EIF4A1: variants seen among roughly 807,000 people sequenced by gnomAD.
The protein encoded by EIF4A1 is eukaryotic translation initiation factor 4A1, also known as eukaryotic initiation factor 4A-I.
EIF4A1 carries 11 observed loss-of-function variants against 53.5 expected under a neutral mutation model. The observed-to-expected ratio is 0.21, with a 90% CI of 0.13 to 0.34. EIF4A1 has a LOEUF of 0.34. EIF4A1 is among the 10% of genes least tolerant of loss of function. The pLI is 1.00. For synonymous variants in EIF4A1, 237 were observed against 186.7 expected, an observed-to-expected ratio of 1.27 and a Z score of -2.20; for missense variants, 213 against 530.8, an observed-to-expected ratio of 0.40 and a Z score of 5.88.
chr17:7,576,782 G>A (rs948655413), intron 5 of EIF4A1, 90 bp downstream of exon 5: 2 of 1,550,412 alleles, frequency 1.3e-6, no homozygotes. Flanking sequence ...CATTCCCAAG[G>A]ATGCTGGTTT....
At position 7,577,680 on chromosome 17, in the gene EIF4A1, G is replaced by A; in HGVS notation, c.880G>A (p.Ala294Thr). The change falls in exon 8 of 11, where the codon GCT (alanine) becomes ACT (threonine). Residue 294 changes from alanine (A) to threonine (T), a missense_variant. Around this residue, in one of 4 missense-constraint regions of EIF4A1, gnomAD observed 119 missense variants for 351.0 expected, o/e 0.34. Coordinates refer to ENST00000293831, the MANE Select transcript of EIF4A1 (RefSeq NM_001416.4). This position sits in a 1 kb window ranked among gnomAD's most constrained non-coding sequence, Gnocchi z 4.7. ...GGACTGGCTCACCGAGAAGATGCATGCTCGAGATTTCACTGTATCCGCCAT... is the reference window on the plus strand; with the variant it reads ...GGACTGGCTCACCGAGAAGATGCATACTCGAGATTTCACTGTATCCGCCAT... Reference protein sequence around the residue: ...KVDWLTEKMHARDFTVSAMHG... With the variant: ...KVDWLTEKMHTRDFTVSAMHG... 1 of 1,613,090 alleles carries A rather than the reference G, an allele frequency of 6.2e-7. No homozygotes were observed. Among genetic ancestry groups the A allele is most frequent in the Non-Finnish European group, 8.5e-7 (1 of 1,179,966 alleles).
intron 1 of EIF4A1, 118 bp downstream of exon 1, chr17:7,572,982 G>C: frequency 6.3e-7 from 1 of 1,582,806 alleles, no homozygotes. Flanking sequence ...ACCGGGTGGG[G>C]GGAGGGTCCG....
chr17:7,575,311 T>C, intron 4 of EIF4A1, 53 bp downstream of exon 4: 1 of 1,610,764 alleles, frequency 6.2e-7, no homozygotes, highest in Non-Finnish European at 8.5e-7. Flanking sequence ...ATGATGAGTA[T>C]AATCCAAGGA....
rs901074925 is a variant in EIF4A1, at chr17:7,574,999, T to C, written c.206-120T>C. On this transcript the variant is annotated intron_variant, in intron 3 of 10. Coordinates refer to ENST00000293831, the MANE Select transcript of EIF4A1 (RefSeq NM_001416.4). ...TGTGTAACTGTGTTGATTGGGAAGG[T>C]AGTTTGTGAGCCATGAAATGCTTGG... The C allele has an allele frequency of 1.7e-5, 23 of 1,359,086 alleles. No individual in the cohort carries two copies. The African/African-American group carries it at 3.0e-4, about 18-fold the overall frequency. 84.2% of individuals were successfully genotyped at this position (1,359,086 alleles called of 1,614,324 possible).
chr17:7,577,300 C>T lies in EIF4A1; in HGVS notation c.625-44C>T, dbSNP rs1597851353. 1.9e-6 allele frequency: 3 copies of T among 1,608,980 alleles called. No homozygotes were observed. Among genetic ancestry groups the T allele is most frequent in the East Asian group, 4.5e-5 (2 of 44,840 alleles). On this transcript the variant is annotated intron_variant, in intron 6 of 10. Transcript: ENST00000293831. The surrounding 1 kb of genome is among the most constrained non-coding windows in gnomAD (Gnocchi z 4.7). ...TGTGGCTAGGGAAGGGAGCAGGCCT[C>T]AGGAAGGAACCAGCACTCTAAGACT...
Position 7,574,587 on chromosome 17 carries a change from C to T in EIF4A1, c.114C>T (p.Asn38=), listed in dbSNP as rs572024899. 31 of 1,612,284 alleles carry T rather than the reference C, an allele frequency of 1.9e-5. No individual in the cohort carries two copies. The highest frequency in any genetic ancestry group is 4.4e-4 in the Middle Eastern group (2 of 4,544). The change falls in exon 3 of 11, where the codon AAC becomes AAT. Residue 38 remains asparagine, a synonymous_variant. Transcript: ENST00000293831. Reference sequence around the variant, plus strand: ...TTGTTGACAGCTTTGATGACATGAACCTCTCGGAGTCCCTTCTCCGTGGCA... The same window carrying T: ...TTGTTGACAGCTTTGATGACATGAATCTCTCGGAGTCCCTTCTCCGTGGCA... ...NEIVDSFDDM[N]LSESLLRGIY...
chr17:7,574,762 A>G (rs2071377691), intron 3 of EIF4A1, 84 bp downstream of exon 3: 1 of 1,597,932 alleles, frequency 6.3e-7, no homozygotes, highest in Admixed American at 1.7e-5. Context: ...CCCATCTCAT[A>G]TCAGCCAGGG....
rs1366083665 is a variant in EIF4A1, at chr17:7,576,508, G to T, written c.346-16G>T. ...AGTGGTAACTGACATATGAGCACCT[G>T]CCTCTCTCTGCTCAGATACAGAAGG... On this transcript the variant is annotated splice_polypyrimidine_tract_variant and intron_variant, in intron 4 of 10. Coordinates refer to ENST00000293831, the MANE Select transcript of EIF4A1 (RefSeq NM_001416.4). 6.5e-7 allele frequency: 1 copy of T among 1,548,052 alleles called. No individual in the cohort carries two copies. Among genetic ancestry groups the T allele is most frequent in the African/African-American group, 1.4e-5 (1 of 72,556 alleles).
rs200590129 is a variant in EIF4A1 at position 7,577,202 on chromosome 17, G to C, written c.624+37G>C. On this transcript the variant is annotated intron_variant, in intron 6 of 10. Transcript: ENST00000293831. The surrounding 1 kb of genome is among the most constrained non-coding windows in gnomAD (Gnocchi z 4.7). The stretch of plus-strand genomic sequence containing the variant: ...CTTGCTTGAATAGCTAATGATTCTT[G>C]AAAAATAGTAAGTGCCAGGGGAACC... 2,348 of 1,568,326 alleles carry C rather than the reference G, an allele frequency of 1.5e-3. 5 individuals are homozygous for C. The highest frequency in any genetic ancestry group is 1.9e-3 in the Non-Finnish European group (2,205 of 1,161,362).
At chr17:7,574,759 C>A in intron 3 of EIF4A1, 81 bp downstream of exon 3, 1 of 1,598,534 alleles carries the variant, frequency 6.3e-7, no homozygotes, top group South Asian at 1.1e-5. Flanking sequence ...ATGCCCATCT[C>A]ATATCAGCCA....
At chr17:7,578,299 C>T (rs1355010230) in intron 10 of EIF4A1, 43 bp from the exon 11 acceptor site, 1 of 1,610,478 alleles carries the variant, frequency 6.2e-7, no homozygotes, top group Non-Finnish European at 8.5e-7. Context: ...CCTCCCTGGG[C>T]TTAAAGCTCC....
At chr17:7,576,279 A>T (rs1203556590) in intron 4 of EIF4A1, 3 of 394,836 alleles carry the variant, frequency 7.6e-6, no homozygotes, top group Non-Finnish European at 1.3e-5. Context: ...TAATTATCTG[A>T]GCGGCCTCAT....
At position 7,578,667 on chromosome 17, in the gene EIF4A1, G is replaced by T; in HGVS notation, c.*181G>T. ...CATTTTAGACACCCTTTTCTTTGGG[G>T]TAGGCTCTTGCCCCAGGCGCCGGCT... On this transcript the variant is annotated 3_prime_UTR_variant, in exon 11 of 11. Coordinates refer to ENST00000293831, the MANE Select transcript of EIF4A1 (RefSeq NM_001416.4). 1 of 615,160 alleles carries T rather than the reference G, an allele frequency of 1.6e-6. No homozygotes were observed. Among genetic ancestry groups the T allele is most frequent in the Non-Finnish European group, 2.4e-6 (1 of 412,174 alleles). 38.1% of individuals were successfully genotyped at this position (615,160 alleles called of 1,614,324 possible).
chr17:7,572,856 G>T lies in EIF4A1; in HGVS notation c.15G>T (p.Gln5His). 4 of 1,614,158 alleles carry T rather than the reference G, an allele frequency of 2.5e-6. No homozygotes were observed. The highest frequency in any genetic ancestry group is 3.4e-6 in the Non-Finnish European group (4 of 1,179,982). Reference protein sequence around the residue: MSASQDSRSRDNGPD... With the variant: MSASHDSRSRDNGPD... ...TTCTAAGGATCATGTCTGCGAGCCAGGATTCCCGGTAAGAAAGGCATTTGC... is the reference window on the plus strand; with the variant it reads ...TTCTAAGGATCATGTCTGCGAGCCATGATTCCCGGTAAGAAAGGCATTTGC... The change falls in exon 1 of 11, where the codon CAG becomes CAT. Residue 5 changes from glutamine to histidine, a missense_variant. Physicochemically the swap from Gln to His is conservative, Grantham distance 24 (BLOSUM62 0). Coordinates refer to ENST00000293831, the MANE Select transcript of EIF4A1 (RefSeq NM_001416.4).
intron 1 of EIF4A1, chr17:7,573,917 G>T (rs969386478): frequency 7.4e-6 from 2 of 271,484 alleles, no homozygotes; most frequent in African/African-American, 2.2e-5. Flanking sequence ...GGTGGGAGGT[G>T]CACGCGCTTG....
chr17:7,573,864 A>G (rs1712280608), intron 1 of EIF4A1: 1 of 180,782 alleles, frequency 5.5e-6, no homozygotes, highest in African/African-American at 2.4e-5. Flanking sequence ...CTACCCTCCG[A>G]TCTGGGAGGT....
rs557337934 is a variant in EIF4A1 at position 7,575,730 on chromosome 17, T to G, written c.345+472T>G. 115 of 284,244 alleles carry G rather than the reference T, an allele frequency of 4.0e-4. 1 individual carries two copies. The highest frequency in any genetic ancestry group is 3.1e-3 in the South Asian group (88 of 28,480). The allele number at this position is 284,244 out of a possible 1,614,324, so 17.6% of individuals were successfully genotyped here. A position where few individuals can be genotyped will look rare whatever the true frequency, so the allele number is the denominator to read the frequency against. On this transcript the variant is annotated intron_variant, in intron 4 of 10. Coordinates refer to ENST00000293831, the MANE Select transcript of EIF4A1 (RefSeq NM_001416.4). ...AATGTTCTGTGGCAGGGGCAGTGAT[T>G]ATTCTGGGTGTGGATAATGTAAGAA...
chr17:7,574,791 C>T (rs1293116295), intron 3 of EIF4A1, 113 bp downstream of exon 3: 3 of 1,556,188 alleles, frequency 1.9e-6, no homozygotes, highest in Admixed American at 1.7e-5. Context: ...ACTCCTTGTT[C>T]ATCCCAGCTT....
Position 7,577,785 on chromosome 17 carries a change from A to G in EIF4A1, c.907-42A>G. On this transcript the variant is annotated intron_variant, in intron 8 of 10. Coordinates refer to ENST00000293831, the MANE Select transcript of EIF4A1 (RefSeq NM_001416.4). The surrounding 1 kb of genome is among the most constrained non-coding windows in gnomAD (Gnocchi z 4.7). The stretch of plus-strand genomic sequence containing the variant: ...CTTGAAGCCAGGGTTCCTGGAACCC[A>G]GGTGCCTACCTGGTCTGCTGCATAT... The G allele has an allele frequency of 6.2e-7, 1 of 1,614,030 alleles. No homozygotes were observed.
Sources: gnomAD v4.1 joint callset for allele counts on GRCh38, gnomAD v4.1.1 for gene constraint, gnomAD v4.1.1 regional missense constraint, Gnocchi (gnomAD v3.1) non-coding constraint, MANE v1.5 for transcripts, NCBI Gene and HGNC (gene_info 2026-07-23, HGNC 2026-07-21) for gene names.